Variants in SDC2 observed in about 807,000 individuals in gnomAD.
SDC2 encodes the protein syndecan 2.
In SDC2, 13 loss-of-function variants were observed where a neutral mutation model predicts 22.2. That is an observed-to-expected ratio of 0.59 (90% CI 0.38 to 0.93). SDC2 has a LOEUF of 0.93. Ranked by LOEUF, SDC2 falls within the 40% of genes least tolerant of loss-of-function variation. The pLI is 0.00. For synonymous variants in SDC2, 94 were observed against 92.8 expected (o/e 1.01, Z -0.07); for missense variants, 235 against 246.8 (o/e 0.95, Z 0.32).
At chr8:96,526,569 G>A (rs1335030794) in intron 1 of SDC2, among the ~76,000 whole-genome samples, 4 of 152,110 alleles carry the variant, frequency 2.6e-5, no homozygotes, top group Non-Finnish European at 5.9e-5. Context: ...AACGCAGGTT[G>A]CACCCAGAGA....
chr8:96,541,503 CAA>C (rs201996850), intron 1 of SDC2, among the ~76,000 whole-genome samples: 75,133 of 102,978 alleles, frequency 0.73, 27,147 homozygotes, highest in Non-Finnish European at 0.84. Flanking sequence ...AAGCCCATCT[CAA>C]AAAAAAAAAA....
chr8:96,576,374 G>GTTTTTTTTTTTTTTT lies in SDC2; in HGVS notation c.61-17102_61-17101insTTTTTTTTTTTTTTT, dbSNP rs1225034584. Among the ~76,000 whole-genome samples the GTTTTTTTTTTTTTTT allele has an allele frequency of 1.6e-3, 64 of 40,612 alleles. 11 individuals are homozygous for GTTTTTTTTTTTTTTT. Among genetic ancestry groups the GTTTTTTTTTTTTTTT allele is most frequent in the South Asian group, 2.5e-3 (2 of 786 alleles). The allele number at this position is 40,612 out of a possible 152,430, so 26.6% of individuals were successfully genotyped here. The stretch of plus-strand genomic sequence containing the variant: ...GTTCAATAATTGGTAGTTTGTTTTT[G>GTTTTTTTTTTTTTTT]TTTTGTTTTGTTTTTTTTTACCAGA... On this transcript the variant is annotated intron_variant, in intron 1 of 4. Coordinates refer to ENST00000302190, the MANE Select transcript of SDC2 (RefSeq NM_002998.4).
intron 1 of SDC2, among the ~76,000 whole-genome samples, chr8:96,517,587 C>G (rs1813420919): frequency 6.6e-6 from 1 of 152,106 alleles, no homozygotes; most frequent in Non-Finnish European, 1.5e-5. Flanking sequence ...CTTAGAAAGT[C>G]TTATTCTTTC....
In SDC2 at chr8:96,494,278, C is replaced by A; in HGVS notation, c.7C>A (p.Arg3Ser). The A allele has an allele frequency of 6.5e-7, 1 of 1,545,662 alleles. No individual in the cohort carries two copies. The change falls in exon 1 of 5, where the codon CGC becomes AGC. Residue 3 changes from arginine (R) to serine (S), a missense_variant. Coordinates refer to ENST00000302190, the MANE Select transcript of SDC2 (RefSeq NM_002998.4). ...CAGCCGGTCCCTGGGGAATATGCGG[C>A]GCGCGTGGATCCTGCTCACCTTGGG... is the stretch of plus-strand genomic sequence containing the variant. The part of the protein sequence containing the change: MR[R>S]AWILLTLGLV...
chr8:96,547,835 A>G (rs1813960447), intron 1 of SDC2, among the ~76,000 whole-genome samples: 1 of 151,390 alleles, frequency 6.6e-6, no homozygotes, highest in African/African-American at 2.4e-5. Flanking sequence ...ATCACAGTTC[A>G]CTGCAGCCTC....
intron 1 of SDC2, among the ~76,000 whole-genome samples, chr8:96,591,011 G>C (rs559576689): frequency 6.6e-6 from 1 of 152,198 alleles, no homozygotes; most frequent in African/African-American, 2.4e-5. Flanking sequence ...CAGGAAGTCA[G>C]TTGGCTTGTC....
At chr8:96,494,890 T>C (rs1179022007) in intron 1 of SDC2, among the ~76,000 whole-genome samples, 2 of 152,178 alleles carry the variant, frequency 1.3e-5, no homozygotes, top group Non-Finnish European at 2.9e-5. Context: ...GTTCTTTTGT[T>C]TGATGCTCCC....
At chr8:96,552,801 A>G (rs992878171) in intron 1 of SDC2, among the ~76,000 whole-genome samples, 1 of 152,234 alleles carries the variant, frequency 6.6e-6, no homozygotes, top group Non-Finnish European at 1.5e-5. Context: ...AATGTTTCAT[A>G]TAAAATGGTA....
intron 1 of SDC2, among the ~76,000 whole-genome samples, chr8:96,524,460 A>T (rs1479628448): frequency 2.6e-5 from 4 of 152,190 alleles, no homozygotes; most frequent in African/African-American, 9.6e-5. Context: ...CTGGCTACAA[A>T]GATTTAATTA....
intron 3 of SDC2, among the ~76,000 whole-genome samples, chr8:96,605,087 G>C (rs147539032): frequency 0.01 from 1,591 of 152,272 alleles, 12 homozygotes; most frequent in Middle Eastern, 0.037. Context: ...CGGATCAGAG[G>C]CTGAGTCAGA....
chr8:96,494,045 T>A lies in SDC2; in HGVS notation c.-227T>A. On this transcript the variant is annotated 5_prime_UTR_variant, in exon 1 of 5. Coordinates refer to ENST00000302190, the MANE Select transcript of SDC2 (RefSeq NM_002998.4). ...TGTCGGGAGTGCAGAAACCAACAAG[T>A]GAGAGGGCGCCGCGTTCCCGGGGCG... 1.8e-6 allele frequency: 1 copy of A among 547,170 alleles called. No homozygotes were observed. The highest frequency in any genetic ancestry group is 3.2e-6 in the Non-Finnish European group (1 of 314,550). 33.9% of individuals were successfully genotyped at this position (547,170 alleles called of 1,614,324 possible).
chr8:96,567,739 A>G (rs1173892030), intron 1 of SDC2, among the ~76,000 whole-genome samples: 1 of 152,202 alleles, frequency 6.6e-6, no homozygotes, highest in East Asian at 1.9e-4. Context: ...TTTCGTTGTC[A>G]TAGATATTTT....
rs190084026 is a variant in SDC2, at chr8:96,591,149, A to G, written c.61-2331A>G. 2.4e-3 allele frequency among the ~76,000 whole-genome samples: 371 copies of G among 152,348 alleles called. 1 individual carries two copies. Among genetic ancestry groups the G allele is most frequent in the African/African-American group, 8.1e-3 (337 of 41,580 alleles). ...GGGTCATCGAATGAATTGAAATTCA[A>G]TTTACACATAGGGATTAAGTATCTC... On this transcript the variant is annotated intron_variant, in intron 1 of 4. Transcript: ENST00000302190.
chr8:96,585,419 T>A (rs1313022307), intron 1 of SDC2, among the ~76,000 whole-genome samples: 2 of 151,958 alleles, frequency 1.3e-5, no homozygotes, highest in Non-Finnish European at 2.9e-5. Flanking sequence ...ATGACATGAG[T>A]TTGTAGAATG....
intron 1 of SDC2, among the ~76,000 whole-genome samples, chr8:96,525,165 C>T (rs566876019): frequency 8.5e-5 from 13 of 152,302 alleles, no homozygotes; most frequent in African/African-American, 2.4e-4. Flanking sequence ...TTGAAATGTT[C>T]AAGGCTGTCC....
chr8:96,559,677 C>A (rs1343593012), intron 1 of SDC2, among the ~76,000 whole-genome samples: 2 of 152,112 alleles, frequency 1.3e-5, no homozygotes, highest in Non-Finnish European at 2.9e-5. Context: ...GAGTTTTATA[C>A]CTCTGTGAGT....
At chr8:96,580,514 T>C (rs1475318298) in intron 1 of SDC2, 2 of 985,258 alleles carry the variant, frequency 2.0e-6, no homozygotes, top group East Asian at 1.1e-4. Flanking sequence ...TACAGACTCA[T>C]CTTATACCAA....
chr8:96,554,373 G>T (rs919888132), intron 1 of SDC2, among the ~76,000 whole-genome samples: 1 of 151,916 alleles, frequency 6.6e-6, no homozygotes, highest in Admixed American at 6.6e-5. Context: ...CAAGTATTAG[G>T]CTATTCGTGT....
chr8:96,578,291 G>GA (rs906717440), intron 1 of SDC2, among the ~76,000 whole-genome samples: 11 of 152,140 alleles, frequency 7.2e-5, no homozygotes, highest in African/African-American at 2.4e-4. Context: ...GAAAAGTCTG[G>GA]AAAAATAGCC....
Sources: gnomAD v4.1 joint callset for allele counts (sites outside exome capture counted in the v4.1 genomes callset) on GRCh38, gnomAD v4.1.1 for gene constraint, MANE v1.5 for transcripts, NCBI Gene and HGNC (gene_info 2026-07-23, HGNC 2026-07-21) for gene names.